The following SAMM50 variants were observed in gnomAD, a reference collection of about 807,000 sequenced individuals.
SAMM50 encodes the protein sorting and assembly machinery component 50 homolog.
In SAMM50, 47 loss-of-function variants were observed where a neutral mutation model predicts 66.9. That is an observed-to-expected ratio of 0.70 (90% CI 0.56 to 0.90). The LOEUF is 0.90. SAMM50 is among the 40% of genes least tolerant of loss of function. The pLI is 0.00. For synonymous variants in SAMM50, 191 were observed against 214.1 expected (o/e 0.89, Z 0.94); for missense variants, 535 against 595.3 (o/e 0.90, Z 1.05).
At chr22:43,972,849 T>C (rs1339407032) in intron 5 of SAMM50, 22 bp from the exon 6 acceptor site, 2 of 914,960 alleles carry the variant, frequency 2.2e-6, no homozygotes, top group Non-Finnish European at 3.0e-6. Context: ...ACCACTGCTA[T>C]TTTTTTTTTT....
At chr22:43,989,295 G>C (rs773006518) in intron 13 of SAMM50, 38 bp downstream of exon 13, 2 of 1,582,026 alleles carry the variant, frequency 1.3e-6, no homozygotes, top group Non-Finnish European at 1.7e-6. Flanking sequence ...TTGTAGTACA[G>C]TTGTTTTCAT....
intron 8 of SAMM50, among the ~76,000 whole-genome samples, 198 bp downstream of exon 8, chr22:43,976,381 A>T (rs1240280647): frequency 1.3e-5 from 2 of 152,232 alleles, no homozygotes; most frequent in Admixed American, 1.3e-4. Context: ...CAGTGGTAAC[A>T]GGAAGAGGTG....
rs183468181 is a variant in SAMM50 at position 43,968,931 on chromosome 22, A to G, written c.322+113A>G. The G allele has an allele frequency of 5.8e-5, 40 of 692,042 alleles. No individual in the cohort carries two copies. In the East Asian group the frequency reaches 9.5e-4, roughly 16 times the overall value. The allele number at this position is 692,042 out of a possible 1,614,324, so 42.9% of individuals were successfully genotyped here. ...CAGAGCACTGCTCCCTGCTGTGTAG[A>G]ACCTGAAAGTTGATCAAACAGGTAG... On this transcript the variant is annotated intron_variant, in intron 4 of 14. Coordinates refer to ENST00000350028, the MANE Select transcript of SAMM50 (RefSeq NM_015380.5).
chr22:43,972,396 T>A, intron 5 of SAMM50, 54 bp downstream of exon 5: 2 of 1,067,788 alleles, frequency 1.9e-6, no homozygotes, highest in Non-Finnish European at 2.7e-6. Context: ...TGGGAACTTT[T>A]ACACTATGAC....
chr22:43,972,848 AT>A (rs34361615), intron 5 of SAMM50, 22 bp from the exon 6 acceptor site: 22,137 of 1,254,240 alleles, frequency 0.018, no homozygotes, highest in Non-Finnish European at 0.02. Context: ...GACCACTGCT[AT>A]TTTTTTTTTT....
chr22:43,979,193 C>T (rs1314729070), intron 10 of SAMM50, among the ~76,000 whole-genome samples: 1 of 152,240 alleles, frequency 6.6e-6, no homozygotes, highest in Non-Finnish European at 1.5e-5. Flanking sequence ...TTGCCATCTC[C>T]CCACCCTGCT....
At chr22:43,957,144 G>T (rs1026140147) in intron 1 of SAMM50, 9 of 779,040 alleles carry the variant, frequency 1.2e-5, no homozygotes, top group Non-Finnish European at 2.1e-5. Context: ...AGATGAAACA[G>T]AATTCTATTT....
chr22:43,981,192 TG>T (rs1428645020), intron 10 of SAMM50, among the ~76,000 whole-genome samples, 198 bp from the exon 11 acceptor site: 1 of 152,200 alleles, frequency 6.6e-6, no homozygotes, highest in African/African-American at 2.4e-5. Flanking sequence ...TGGAATTGCG[TG>T]TTTTAATAGA....
At chr22:43,957,067 A>G (rs1043245287) in intron 1 of SAMM50, 19 of 1,021,162 alleles carry the variant, frequency 1.9e-5, no homozygotes, top group South Asian at 5.1e-5. Flanking sequence ...TTTGCTGGCT[A>G]TAAGTGGAGT....
intron 1 of SAMM50, among the ~76,000 whole-genome samples, chr22:43,960,653 C>T (rs901138174): frequency 3.9e-5 from 6 of 152,088 alleles, no homozygotes; most frequent in Non-Finnish European, 8.8e-5. Context: ...GGCTCGAACC[C>T]GGGAGGTGGA....
chr22:43,996,451 C>G lies in SAMM50; in HGVS notation c.*68C>G. On this transcript the variant is annotated 3_prime_UTR_variant, in exon 15 of 15. Coordinates refer to ENST00000350028, the MANE Select transcript of SAMM50 (RefSeq NM_015380.5). ...AAGGCGCCCATGCCACACACCGTCT[C>G]TCGAGGAAACGCGGTTCAGCGATTC... 1 of 1,441,650 alleles carries G rather than the reference C, an allele frequency of 6.9e-7. No homozygotes were observed. Among genetic ancestry groups the G allele is most frequent in the African/African-American group, 1.4e-5 (1 of 71,506 alleles). The allele number at this position is 1,441,650 out of a possible 1,614,324, so 89.3% of individuals were successfully genotyped here. A position where few individuals can be genotyped will look rare whatever the true frequency, so the allele number is the denominator to read the frequency against.
chr22:43,967,755 A>C (rs2050180900), intron 3 of SAMM50, among the ~76,000 whole-genome samples: 2 of 152,142 alleles, frequency 1.3e-5, no homozygotes, highest in African/African-American at 4.8e-5. Context: ...GCAGGGTGGA[A>C]TCTCAACTTT....
intron 10 of SAMM50, among the ~76,000 whole-genome samples, chr22:43,979,019 C>T (rs1002171868): frequency 6.6e-6 from 1 of 152,218 alleles, no homozygotes; most frequent in African/African-American, 2.4e-5. Context: ...CACGTGAGCC[C>T]ATCCTGATCC....
intron 14 of SAMM50, among the ~76,000 whole-genome samples, chr22:43,991,515 G>A (rs928063278): frequency 2.0e-5 from 3 of 152,112 alleles, no homozygotes; most frequent in African/African-American, 4.8e-5. Context: ...CCATCTGCCC[G>A]CATTGGCCTC....
chr22:43,956,078 CCTTA>C (rs951156324), intron 1 of SAMM50, among the ~76,000 whole-genome samples: 7 of 152,142 alleles, frequency 4.6e-5, no homozygotes, highest in Non-Finnish European at 8.8e-5. Context: ...CCGCTCTCTG[CCTTA>C]CTTCCTGTTT....
intron 11 of SAMM50, 28 bp downstream of exon 11, chr22:43,981,489 T>A: frequency 6.8e-7 from 1 of 1,473,578 alleles, no homozygotes; most frequent in Non-Finnish European, 9.5e-7. Flanking sequence ...AATGGATAAT[T>A]TGCACATATT....
At chr22:43,969,221 C>T (rs1177766147) in intron 4 of SAMM50, among the ~76,000 whole-genome samples, 3 of 152,156 alleles carry the variant, frequency 2.0e-5, no homozygotes, top group Non-Finnish European at 2.9e-5. Flanking sequence ...GGCCAGGCTT[C>T]GTTCACATAG....
At chr22:43,988,509 C>G (rs1449564200) in intron 12 of SAMM50, 4 of 152,178 alleles carry the variant, frequency 2.6e-5, no homozygotes, top group African/African-American at 9.7e-5. Flanking sequence ...TATGCAAATA[C>G]ATGCTCTCAG....
intron 12 of SAMM50, among the ~76,000 whole-genome samples, chr22:43,985,132 C>T (rs559482227): frequency 3.0e-4 from 44 of 148,404 alleles, no homozygotes; most frequent in African/African-American, 1.1e-3. Flanking sequence ...TCCCGTATAA[C>T]CCCCATAGCT....
Sources: allele counts gnomAD v4.1 joint callset (sites outside exome capture counted in the v4.1 genomes callset), GRCh38; gene constraint gnomAD v4.1.1; transcripts MANE v1.5; gene names NCBI Gene and HGNC (gene_info 2026-07-23, HGNC 2026-07-21).